KHDRBS2: variants seen among roughly 807,000 people sequenced by gnomAD.
KHDRBS2 encodes KH domain-containing, RNA-binding, signal transduction-associated protein 2.
In KHDRBS2, 26 loss-of-function variants were observed where a neutral mutation model predicts 44.3. The ratio of observed to expected loss-of-function variants is 0.59; its 90% CI spans 0.43 to 0.81. KHDRBS2 has a LOEUF of 0.81. Among genes scored for constraint, KHDRBS2 ranks in the 40% least tolerant of loss-of-function variants. The pLI, the probability that KHDRBS2 is intolerant of heterozygous loss-of-function variation, is 0.00. For synonymous variants in KHDRBS2, 194 were observed against 151.1 expected, an observed-to-expected ratio of 1.28 and a Z score of -2.08; for missense variants, 476 against 433.1, an observed-to-expected ratio of 1.10 and a Z score of -0.88.
intron 1 of KHDRBS2, among the ~76,000 whole-genome samples, chr6:62,225,134 C>A (rs934620610): frequency 6.6e-6 from 1 of 152,118 alleles, no homozygotes; most frequent in African/African-American, 2.4e-5. Context: ...TCCTACAGTG[C>A]ACAGAGCAGC....
intron 6 of KHDRBS2, among the ~76,000 whole-genome samples, chr6:61,836,848 T>G (rs549368422): frequency 1.7e-4 from 26 of 152,146 alleles, no homozygotes; most frequent in Non-Finnish European, 3.1e-4. Flanking sequence ...GCCAAAGTAT[T>G]TATACTTCAA....
At chr6:61,810,385 G>C (rs1787921941) in intron 6 of KHDRBS2, among the ~76,000 whole-genome samples, 1 of 152,004 alleles carries the variant, frequency 6.6e-6, no homozygotes, top group South Asian at 2.1e-4. Flanking sequence ...TACTTACAGG[G>C]CCTTGTTGTA....
chr6:62,006,713 T>A (rs879438571), intron 3 of KHDRBS2, among the ~76,000 whole-genome samples: 3 of 151,954 alleles, frequency 2.0e-5, no homozygotes, highest in Non-Finnish European at 2.9e-5. Context: ...TAAAGTATAA[T>A]ATAGAATGTA....
At chr6:62,047,144 C>T (rs1390662833) in intron 3 of KHDRBS2, among the ~76,000 whole-genome samples, 2 of 151,758 alleles carry the variant, frequency 1.3e-5, no homozygotes, top group South Asian at 2.1e-4. Flanking sequence ...AAAAGTGTGG[C>T]CTGGTCAAAT....
intron 6 of KHDRBS2, among the ~76,000 whole-genome samples, chr6:61,758,615 A>G (rs745874103): frequency 4.6e-5 from 7 of 151,974 alleles, no homozygotes; most frequent in African/African-American, 9.7e-5. Flanking sequence ...CTGTCCCCCA[A>G]CCTCATTTTA....
chr6:61,761,074 C>T (rs1257864446), intron 6 of KHDRBS2, among the ~76,000 whole-genome samples: 4 of 152,168 alleles, frequency 2.6e-5, no homozygotes, highest in South Asian at 2.1e-4. Context: ...GCTACATTTT[C>T]GTGGATGAGC....
At chr6:61,665,685 T>C in the KHDRBS2 span, among the ~76,000 whole-genome samples, 1 of 151,246 alleles carries the variant, frequency 6.6e-6, no homozygotes, top group Non-Finnish European at 1.5e-5. Context: ...CTGAATATCT[T>C]TTGAAGGAAA....
intron 1 of KHDRBS2, among the ~76,000 whole-genome samples, chr6:62,242,420 C>A (rs1426155533): frequency 6.6e-6 from 1 of 152,022 alleles, no homozygotes; most frequent in Non-Finnish European, 1.5e-5. Context: ...GGTTACTCTG[C>A]ACATTACAGG....
intron 7 of KHDRBS2, among the ~76,000 whole-genome samples, chr6:61,697,693 T>C (rs1380122659): frequency 1.3e-5 from 2 of 152,126 alleles, no homozygotes; most frequent in Admixed American, 1.3e-4. Flanking sequence ...CTTTATCCCT[T>C]TTACATCATG....
At chr6:61,573,115 G>A in the KHDRBS2 span, among the ~76,000 whole-genome samples, 3 of 152,132 alleles carry the variant, frequency 2.0e-5, no homozygotes, top group Admixed American at 6.6e-5. Context: ...AATAAATTCA[G>A]TAAAGTTTCA....
the KHDRBS2 span, among the ~76,000 whole-genome samples, chr6:61,557,038 A>G: frequency 0.17 from 26,014 of 151,854 alleles, 2,455 homozygotes; most frequent in East Asian, 0.29. Flanking sequence ...TTCCAACACA[A>G]TAAAAAAGGC....
chr6:62,270,975 C>G (rs563760066), intron 1 of KHDRBS2, among the ~76,000 whole-genome samples: 1 of 152,036 alleles, frequency 6.6e-6, no homozygotes, highest in African/African-American at 2.4e-5. Flanking sequence ...TCTACTATAA[C>G]GGTAGCTTTC....
chr6:62,275,257 A>C (rs1236350411), intron 1 of KHDRBS2, among the ~76,000 whole-genome samples: 6 of 152,194 alleles, frequency 3.9e-5, no homozygotes, highest in African/African-American at 1.4e-4. Flanking sequence ...AGTCCATTCC[A>C]AAGCAATATC....
At chr6:61,813,784 C>T (rs1788484451) in intron 6 of KHDRBS2, among the ~76,000 whole-genome samples, 1 of 152,028 alleles carries the variant, frequency 6.6e-6, no homozygotes, top group Non-Finnish European at 1.5e-5. Flanking sequence ...AACTCATTGT[C>T]TGGAATAAAC....
intron 6 of KHDRBS2, among the ~76,000 whole-genome samples, chr6:61,834,708 G>A (rs1271625907): frequency 2.0e-5 from 3 of 151,924 alleles, no homozygotes; most frequent in African/African-American, 7.2e-5. Context: ...TACAAAGGGT[G>A]CACTAAAAAT....
chr6:61,734,521 T>A (rs1775013238), intron 6 of KHDRBS2, among the ~76,000 whole-genome samples: 1 of 152,108 alleles, frequency 6.6e-6, no homozygotes, highest in South Asian at 2.1e-4. Flanking sequence ...TGTCATTTTC[T>A]ATTGGCTGTC....
At position 61,740,161 on chromosome 6, in the gene KHDRBS2, G is replaced by T. The variant is rs939675332; in HGVS notation, c.811-7397C>A. Reference sequence around the variant, plus strand: ...TAAATAGGTCTGAGGATTTCAAGGAGAATTTCCCCGAAAAGTTGTTGTTTG... The same window carrying T: ...TAAATAGGTCTGAGGATTTCAAGGATAATTTCCCCGAAAAGTTGTTGTTTG... On this transcript the variant is annotated intron_variant, in intron 6 of 8. Coordinates refer to ENST00000281156, the MANE Select transcript of KHDRBS2 (RefSeq NM_152688.4). Among the ~76,000 whole-genome samples, 17 of 151,872 alleles carry T rather than the reference G, an allele frequency of 1.1e-4. 1 individual carries two copies. The highest frequency in any genetic ancestry group is 4.6e-4 in the Admixed American group (7 of 15,200).
intron 1 of KHDRBS2, among the ~76,000 whole-genome samples, chr6:62,198,434 A>G (rs1228206598): frequency 6.6e-6 from 1 of 152,194 alleles, no homozygotes; most frequent in Non-Finnish European, 1.5e-5. Flanking sequence ...AATGCAAACT[A>G]CCATCAGAGA....
At chr6:61,616,950 CA>C in the KHDRBS2 span, among the ~76,000 whole-genome samples, 2 of 152,110 alleles carry the variant, frequency 1.3e-5, no homozygotes. Flanking sequence ...TTCTCAGGGA[CA>C]ACTTATTTTA....
Sources: allele counts gnomAD v4.1 joint callset (sites outside exome capture counted in the v4.1 genomes callset), GRCh38; gene constraint gnomAD v4.1.1; transcripts MANE v1.5; gene names NCBI Gene and HGNC (gene_info 2026-07-23, HGNC 2026-07-21).